KDM4C: variants seen among roughly 807,000 people sequenced by gnomAD.
The protein encoded by KDM4C is lysine-specific demethylase 4C.
A neutral mutation model predicts 129.3 loss-of-function variants in KDM4C; 81 were observed. That is an observed-to-expected ratio of 0.63 (90% CI 0.52 to 0.75). The LOEUF (loss-of-function observed/expected upper bound fraction) is 0.75, where lower values mean the gene tolerates loss of function less well. Among genes scored for constraint, KDM4C ranks in the 30% least tolerant of loss-of-function variants. The probability of loss-of-function intolerance (pLI) is 0.00; values close to 1 mark genes in which losing one functional copy is unlikely to be tolerated. For missense variants in KDM4C, 1,457 were observed against 1,304.0 expected (o/e 1.12, Z -1.81); for synonymous variants, 573 against 456.1 (o/e 1.26, Z -3.26).
chr9:7,022,761 A>G (rs1026500228), intron 15 of KDM4C, among the ~76,000 whole-genome samples: 2 of 151,688 alleles, frequency 1.3e-5, no homozygotes, highest in African/African-American at 4.8e-5. Flanking sequence ...GTTTTTCACC[A>G]CTTAAAATAA....
rs775324558 is a variant in KDM4C, at chr9:7,174,660, T to C, written c.3102T>C (p.Tyr1034=). 2 of 1,614,018 alleles carry C rather than the reference T, an allele frequency of 1.2e-6. No homozygotes were observed. Among genetic ancestry groups the C allele is most frequent in the African/African-American group, 1.3e-5 (1 of 74,916 alleles). Residue 1034 remains tyrosine (Y), a synonymous_variant, in exon 22 of 22, where the codon TAT becomes TAC. Coordinates refer to ENST00000381309, the MANE Select transcript of KDM4C (RefSeq NM_015061.6). ...TGAGCTCCAGGTTTAAGAATGAATA[T>C]GTGGCCGACCCTGTATACCGCACTT... The part of the protein sequence containing the change: ...RVLSSRFKNE[Y]VADPVYRTFL...
chr9:7,153,184 C>T (rs528934805), intron 19 of KDM4C, among the ~76,000 whole-genome samples: 1 of 152,260 alleles, frequency 6.6e-6, no homozygotes, highest in South Asian at 2.1e-4. Flanking sequence ...GTGATCCTTC[C>T]ACCTTGGCCG....
intron 19 of KDM4C, among the ~76,000 whole-genome samples, chr9:7,130,339 C>A (rs1840483295): frequency 6.6e-6 from 1 of 152,194 alleles, no homozygotes; most frequent in Non-Finnish European, 1.5e-5. Flanking sequence ...CACACCATGC[C>A]AGTTTGAGGC....
chr9:7,050,608 A>G (rs1564044411), intron 17 of KDM4C, among the ~76,000 whole-genome samples: 2 of 152,094 alleles, frequency 1.3e-5, no homozygotes, highest in African/African-American at 2.4e-5. Context: ...TCTGATTATA[A>G]AAGTAATAGA....
chr9:6,807,480 C>T (rs1001484788), intron 3 of KDM4C, among the ~76,000 whole-genome samples: 11 of 144,226 alleles, frequency 7.6e-5, no homozygotes, highest in East Asian at 2.1e-4. Context: ...AAGTGAGGAG[C>T]GTCTCTGCCC....
At chr9:6,744,505 C>G (rs1817813865) in intron 1 of KDM4C, among the ~76,000 whole-genome samples, 1 of 151,812 alleles carries the variant, frequency 6.6e-6, no homozygotes, top group African/African-American at 2.4e-5. Flanking sequence ...AGTGTGGCGA[C>G]AAAGTGAGAC....
chr9:6,740,901 C>T (rs1215284691), intron 1 of KDM4C, among the ~76,000 whole-genome samples: 1 of 151,814 alleles, frequency 6.6e-6, no homozygotes, highest in African/African-American at 2.4e-5. Flanking sequence ...GATCTCGGCT[C>T]ACCACAAACT....
At chr9:6,747,539 C>CTAA (rs1817923464) in intron 1 of KDM4C, among the ~76,000 whole-genome samples, 11 of 97,992 alleles carry the variant, frequency 1.1e-4, no homozygotes, top group South Asian at 3.3e-4. Flanking sequence ...CAGGGCGATT[C>CTAA]AAAAAAAAAA....
At chr9:7,048,137 C>G (rs1829670978) in intron 16 of KDM4C, among the ~76,000 whole-genome samples, 1 of 152,006 alleles carries the variant, frequency 6.6e-6, no homozygotes, top group East Asian at 1.9e-4. Context: ...GCACTGGATG[C>G]CATACTGTGA....
At chr9:6,743,698 G>A (rs116435953) in intron 1 of KDM4C, among the ~76,000 whole-genome samples, 1,584 of 152,126 alleles carry the variant, frequency 0.01, 31 homozygotes, top group African/African-American at 0.036. Flanking sequence ...AGTAGAGACA[G>A]GGTTTCGTCA....
chr9:6,950,678 T>A (rs1442745215), intron 8 of KDM4C, among the ~76,000 whole-genome samples: 3 of 152,352 alleles, frequency 2.0e-5, no homozygotes, highest in East Asian at 3.9e-4. Context: ...TGTTCCCTCC[T>A]GATAACGTTT....
intron 4 of KDM4C, among the ~76,000 whole-genome samples, chr9:6,837,709 T>C (rs892131360): frequency 1.3e-5 from 2 of 152,224 alleles, no homozygotes; most frequent in African/African-American, 4.8e-5. Context: ...TGGAATTCTT[T>C]ATTCTGGATA....
Position 7,017,179 on chromosome 9 carries a change from C to T in KDM4C, c.2259+1250C>T, listed in dbSNP as rs557379867. ...CTCAAACTCCTGAGCTCAAGTGATC[C>T]TCTCACCTTGGCCTCCTGAAGTGCT... is the stretch of plus-strand genomic sequence containing the variant. On this transcript the variant is annotated intron_variant, in intron 15 of 21. Coordinates refer to ENST00000381309, the MANE Select transcript of KDM4C (RefSeq NM_015061.6). Among the ~76,000 whole-genome samples, 10 of 152,300 alleles carry T rather than the reference C, an allele frequency of 6.6e-5. No homozygotes were observed. The East Asian group carries it at 1.4e-3, about 21-fold the overall frequency.
At position 6,775,741 on chromosome 9, in the gene KDM4C, C is replaced by T. The variant is rs1032480464; in HGVS notation, c.-17-17231C>T. On this transcript the variant is annotated intron_variant, in intron 1 of 21. Coordinates refer to ENST00000381309, the MANE Select transcript of KDM4C (RefSeq NM_015061.6). The stretch of plus-strand genomic sequence containing the variant: ...TTCTCCATGTTGGTCAGGCTGGTCT[C>T]GAACTCCTGACCTCAGGTGATCCGC... 2.6e-5 allele frequency among the ~76,000 whole-genome samples: 4 copies of T among 151,164 alleles called. No individual in the cohort carries two copies. The East Asian group carries it at 6.0e-4, about 23-fold the overall frequency.
At chr9:6,898,819 C>G (rs1340636387) in intron 8 of KDM4C, among the ~76,000 whole-genome samples, 2 of 152,014 alleles carry the variant, frequency 1.3e-5, no homozygotes, top group Non-Finnish European at 2.9e-5. Context: ...CTTGGGCAGT[C>G]TTTATTAAAA....
At chr9:6,994,153 T>C (rs1256172076) in intron 12 of KDM4C, among the ~76,000 whole-genome samples, 1 of 152,112 alleles carries the variant, frequency 6.6e-6, no homozygotes, top group East Asian at 1.9e-4. Flanking sequence ...AGGATTTGTG[T>C]TCCTATGAGA....
chr9:6,758,552 T>G lies in KDM4C; in HGVS notation c.-18+349T>G, dbSNP rs528582515. ...GATGCGGACCTCTTAACGCCGCCAG[T>G]CGGCTGTGGCGGACTCCAGGAAGGC... On this transcript the variant is annotated intron_variant, in intron 1 of 21. Coordinates refer to ENST00000381309, the MANE Select transcript of KDM4C (RefSeq NM_015061.6). This position sits in a 1 kb window ranked among gnomAD's most constrained non-coding sequence, Gnocchi z 4.6. Among the ~76,000 whole-genome samples the G allele has an allele frequency of 4.7e-4, 3 of 6,388 alleles. No homozygotes were observed. In the East Asian group the frequency reaches 0.25, roughly 532 times the overall value. 4.2% of individuals were successfully genotyped at this position (6,388 alleles called of 152,430 possible). A position where few individuals can be genotyped will look rare whatever the true frequency, so the allele number is the denominator to read the frequency against.
At chr9:6,867,239 C>T (rs925632029) in intron 5 of KDM4C, among the ~76,000 whole-genome samples, 2 of 152,034 alleles carry the variant, frequency 1.3e-5, no homozygotes, top group African/African-American at 4.8e-5. Flanking sequence ...TGGTCTTGAT[C>T]TCCTGACCTC....
At chr9:6,857,342 G>A (rs1464555801) in intron 5 of KDM4C, among the ~76,000 whole-genome samples, 1 of 152,134 alleles carries the variant, frequency 6.6e-6, no homozygotes, top group Non-Finnish European at 1.5e-5. Flanking sequence ...AAAAAGTGTT[G>A]GAAATATACC....
Sources: allele counts gnomAD v4.1 joint callset (sites outside exome capture counted in the v4.1 genomes callset), GRCh38; gene constraint gnomAD v4.1.1; non-coding constraint Gnocchi (gnomAD v3.1); transcripts MANE v1.5; gene names NCBI Gene and HGNC (gene_info 2026-07-23, HGNC 2026-07-21).